AK8: variants seen among roughly 807,000 people sequenced by gnomAD.
AK8 encodes ATP-AMP transphosphorylase 8.
Under a neutral mutation model 54.6 loss-of-function variants are expected in AK8, and 44 were observed. The observed-to-expected ratio is 0.81, with a 90% CI of 0.63 to 1.04. The LOEUF (loss-of-function observed/expected upper bound fraction) is 1.04. Ranked by LOEUF, AK8 falls within the 50% of genes least tolerant of loss-of-function variation. AK8 has a pLI of 0.00. For synonymous variants in AK8, 239 were observed against 245.6 expected, an observed-to-expected ratio of 0.97 and a Z score of 0.25; for missense variants, 555 against 613.6, an observed-to-expected ratio of 0.90 and a Z score of 1.01.
chr9:132,853,336 C>T (rs1204746364), intron 5 of AK8, among the ~76,000 whole-genome samples: 12 of 130,054 alleles, frequency 9.2e-5, no homozygotes, highest in Non-Finnish European at 1.6e-4. Context: ...CCTACCTGGG[C>T]GACAGAATGA....
intron 10 of AK8, 38 bp from the exon 11 acceptor site, chr9:132,792,813 G>A (rs370052651): frequency 2.0e-5 from 31 of 1,539,262 alleles, no homozygotes; most frequent in Admixed American, 1.2e-4. Context: ...CCTGCTGGCC[G>A]GCAGCCCATG....
At chr9:132,763,072 G>C (rs1299992947) in intron 11 of AK8, among the ~76,000 whole-genome samples, 1 of 152,138 alleles carries the variant, frequency 6.6e-6, no homozygotes, top group East Asian at 1.9e-4. Context: ...TGCCCATGCA[G>C]AGAGCTGTCT....
intron 2 of AK8, among the ~76,000 whole-genome samples, chr9:132,872,016 T>G (rs895825603): frequency 6.6e-6 from 1 of 152,196 alleles, no homozygotes; most frequent in Admixed American, 6.5e-5. Context: ...GCTGGGGAAC[T>G]AGGTAAGCCT....
chr9:132,789,220 G>A lies in AK8; in HGVS notation c.1121+3414C>T, dbSNP rs1353554300. Among the ~76,000 whole-genome samples, 16 of 152,126 alleles carry A rather than the reference G, an allele frequency of 1.1e-4. 1 individual carries two copies. The highest frequency in any genetic ancestry group is 1.7e-4 in the African/African-American group (7 of 41,484). ...TGAGGCAGGAGAATGGCGTGAACCC[G>A]GGAGGCAGAGCTTACAGTGAGCCAA... On this transcript the variant is annotated intron_variant, in intron 11 of 12. Transcript: ENST00000298545.
At chr9:132,858,055 G>A (rs769949960) in intron 4 of AK8, among the ~76,000 whole-genome samples, 12 of 152,210 alleles carry the variant, frequency 7.9e-5, no homozygotes, top group South Asian at 4.1e-4. Flanking sequence ...CAGTGAGGCC[G>A]CTCCTGGCCA....
chr9:132,728,767 C>T (rs989938635), intron 11 of AK8, among the ~76,000 whole-genome samples: 69 of 152,158 alleles, frequency 4.5e-4, no homozygotes, highest in African/African-American at 1.6e-3. Context: ...CAGAACCCAG[C>T]AGAAGAGATG....
chr9:132,818,650 A>G (rs1205930304), intron 9 of AK8, among the ~76,000 whole-genome samples: 1 of 152,222 alleles, frequency 6.6e-6, no homozygotes, highest in Non-Finnish European at 1.5e-5. Context: ...GGTGGCAGGA[A>G]AGGAGGAACA....
chr9:132,754,709 C>A (rs1342142219), intron 11 of AK8, among the ~76,000 whole-genome samples: 1 of 152,096 alleles, frequency 6.6e-6, no homozygotes, highest in East Asian at 1.9e-4. Flanking sequence ...ACATAAGGAA[C>A]CAACAGTTTC....
chr9:132,750,316 A>T (rs1837855006), intron 11 of AK8, among the ~76,000 whole-genome samples: 1 of 151,832 alleles, frequency 6.6e-6, no homozygotes, highest in Non-Finnish European at 1.5e-5. Flanking sequence ...ATGGGGTTTC[A>T]CCATGTTGGC....
intron 11 of AK8, among the ~76,000 whole-genome samples, chr9:132,780,111 T>C (rs1292638629): frequency 1.3e-5 from 2 of 152,118 alleles, no homozygotes; most frequent in Admixed American, 6.5e-5. Context: ...GTGTCCTCAA[T>C]GGACGTGATC....
intron 5 of AK8, among the ~76,000 whole-genome samples, chr9:132,838,980 G>T (rs1164222656): frequency 6.6e-6 from 1 of 152,100 alleles, no homozygotes; most frequent in Non-Finnish European, 1.5e-5. Flanking sequence ...GTCTCCAACT[G>T]TCGCCCAGAT....
chr9:132,726,057 G>T, intron 12 of AK8, 132 bp from the exon 13 acceptor site: 1 of 706,300 alleles, frequency 1.4e-6, no homozygotes, highest in Non-Finnish European at 2.5e-6. Context: ...ATTTACTACT[G>T]TGTACTGCTG....
Position 132,781,742 on chromosome 9 carries a change from G to A in AK8, c.1121+10892C>T, listed in dbSNP as rs540016514. ...CAAAAACAGCAACACCACAGCTAGA[G>A]TGTTTTATAATTGGCATCACAACCG... On this transcript the variant is annotated intron_variant, in intron 11 of 12. Transcript: ENST00000298545. This position sits in a 1 kb window ranked among gnomAD's most constrained non-coding sequence, Gnocchi z 4.6. 6.6e-6 allele frequency among the ~76,000 whole-genome samples: 1 copy of A among 152,288 alleles called. No homozygotes were observed. Among genetic ancestry groups the A allele is most frequent in the East Asian group, 1.9e-4 (1 of 5,186 alleles).
intron 11 of AK8, among the ~76,000 whole-genome samples, chr9:132,755,019 G>A (rs552324681): frequency 6.1e-4 from 93 of 152,054 alleles, no homozygotes; most frequent in Admixed American, 2.4e-3. Context: ...GGCTGGTCTC[G>A]AACTCCTGAC....
intron 2 of AK8, among the ~76,000 whole-genome samples, chr9:132,873,270 T>G (rs988591110): frequency 2.0e-5 from 3 of 152,236 alleles, no homozygotes; most frequent in African/African-American, 7.2e-5. Context: ...GATTTCCCAT[T>G]CCTTCAGCCA....
intron 6 of AK8, 55 bp downstream of exon 6, chr9:132,828,590 G>A (rs1841977078): frequency 2.6e-6 from 4 of 1,517,804 alleles, no homozygotes; most frequent in Non-Finnish European, 3.6e-6. Flanking sequence ...GCGCTCACTG[G>A]CCACCCCTTG....
chr9:132,858,248 G>T (rs559717316), intron 4 of AK8, among the ~76,000 whole-genome samples: 1 of 152,200 alleles, frequency 6.6e-6, no homozygotes, highest in South Asian at 2.1e-4. Flanking sequence ...TGGGTTTCCC[G>T]GCCTGGGGGC....
intron 5 of AK8, among the ~76,000 whole-genome samples, chr9:132,853,807 A>AAAAAAAAC: frequency 6.6e-6 from 1 of 150,950 alleles, no homozygotes; most frequent in Non-Finnish European, 1.5e-5. Context: ...AAAAAAAAAA[A>AAAAAAAAC]AGTAAACAGA....
intron 9 of AK8, among the ~76,000 whole-genome samples, 193 bp from the exon 10 acceptor site, chr9:132,814,920 AAG>A (rs1389336369): frequency 6.6e-6 from 1 of 152,220 alleles, no homozygotes; most frequent in Non-Finnish European, 1.5e-5. Flanking sequence ...AAATAAATAA[AAG>A]AGAGAGGTGG....
Sources: gnomAD v4.1 joint callset for allele counts (sites outside exome capture counted in the v4.1 genomes callset) on GRCh38, gnomAD v4.1.1 for gene constraint, Gnocchi (gnomAD v3.1) non-coding constraint, MANE v1.5 for transcripts, NCBI Gene and HGNC (gene_info 2026-07-23, HGNC 2026-07-21) for gene names.